TRIM5: variants seen among roughly 807,000 people sequenced by gnomAD.
The protein encoded by TRIM5 is tripartite motif-containing protein 5.
TRIM5 carries 31 observed loss-of-function variants against 35.6 expected under a neutral mutation model. The ratio of observed to expected loss-of-function variants is 0.87; its 90% CI spans 0.65 to 1.18. TRIM5 has a LOEUF of 1.18. Among genes scored for constraint, TRIM5 ranks in the 50% most tolerant of loss-of-function variants. The pLI is 0.00. For missense variants in TRIM5, 609 were observed against 591.6 expected (o/e 1.03, Z -0.31); for synonymous variants, 243 against 215.6 (o/e 1.13, Z -1.11).
chr11:5,589,904 CTG>C, the TRIM5 span: 1 of 153,706 alleles, frequency 6.5e-6, no homozygotes, highest in South Asian at 2.0e-4. Flanking sequence ...GGAACCGGGT[CTG>C]CGCGCGGCGC....
the TRIM5 span, among the ~76,000 whole-genome samples, chr11:5,644,848 A>G: frequency 6.6e-6 from 1 of 152,016 alleles, no homozygotes; most frequent in African/African-American, 2.4e-5. Context: ...GCCTGGTGGG[A>G]GGTGATTGGA....
rs1813331335 is a variant in TRIM5, at chr11:5,679,002, G to A, written c.513+72C>T. 1.1e-5 allele frequency: 13 copies of A among 1,235,328 alleles called. No individual in the cohort carries two copies. In the South Asian group the frequency reaches 1.6e-4, roughly 15 times the overall value. 76.5% of individuals were successfully genotyped at this position (1,235,328 alleles called of 1,614,324 possible). A position where few individuals can be genotyped will look rare whatever the true frequency, so the allele number is the denominator to read the frequency against. ...GACTTATCAAATGTCAGGGAATAAAGAGGAAGAAAGCTCCTTCCCCTGGTC... is the reference window on the plus strand; with the variant it reads ...GACTTATCAAATGTCAGGGAATAAAAAGGAAGAAAGCTCCTTCCCCTGGTC... On this transcript the variant is annotated intron_variant, in intron 3 of 7. Coordinates refer to ENST00000380034, the MANE Select transcript of TRIM5 (RefSeq NM_033034.3).
the TRIM5 span, among the ~76,000 whole-genome samples, chr11:5,630,851 G>C: frequency 1.3e-5 from 2 of 152,118 alleles, no homozygotes; most frequent in African/African-American, 2.4e-5. Context: ...AATACCATCT[G>C]TTCATTACTC....
the TRIM5 span, among the ~76,000 whole-genome samples, chr11:5,598,313 A>G: frequency 6.6e-6 from 1 of 152,080 alleles, no homozygotes; most frequent in Non-Finnish European, 1.5e-5. Context: ...CTCCTTCACA[A>G]TTTCTTTCCC....
At chr11:5,595,125 C>T in the TRIM5 span, 1 of 152,236 alleles carries the variant, frequency 6.6e-6, no homozygotes, top group South Asian at 2.1e-4. Context: ...ACCCAGCTCT[C>T]TCCCTACTGC....
At chr11:5,666,441 C>A (rs1387120442) in intron 5 of TRIM5, among the ~76,000 whole-genome samples, 1 of 151,346 alleles carries the variant, frequency 6.6e-6, no homozygotes, top group African/African-American at 2.4e-5. Flanking sequence ...ACAAAAGAAA[C>A]CCTAACATTT....
chr11:5,684,779 G>A (rs1852886236), intron 1 of TRIM5, 89 bp downstream of exon 1: 1 of 152,250 alleles, frequency 6.6e-6, no homozygotes, highest in Non-Finnish European at 1.5e-5. Flanking sequence ...AGGCGGCTCT[G>A]TTCCCCTCAG....
At chr11:5,609,079 A>T in the TRIM5 span, among the ~76,000 whole-genome samples, 4 of 152,018 alleles carry the variant, frequency 2.6e-5, no homozygotes, top group African/African-American at 9.7e-5. Flanking sequence ...CAATTCCAGT[A>T]AAAACGTAAA....
the TRIM5 span, among the ~76,000 whole-genome samples, chr11:5,635,423 T>G: frequency 6.6e-6 from 1 of 151,792 alleles, no homozygotes; most frequent in African/African-American, 2.4e-5. Flanking sequence ...TCTGGCTAAT[T>G]TTTTTTGTAT....
At chr11:5,609,452 T>C in the TRIM5 span, among the ~76,000 whole-genome samples, 1 of 152,218 alleles carries the variant, frequency 6.6e-6, no homozygotes, top group Admixed American at 6.5e-5. Context: ...GTTCTGCCTG[T>C]CAACCCAGAC....
At chr11:5,679,506 C>T (rs890347941) in intron 2 of TRIM5, among the ~76,000 whole-genome samples, 2 of 152,016 alleles carry the variant, frequency 1.3e-5, no homozygotes, top group Non-Finnish European at 2.9e-5. Flanking sequence ...TCTTGGACAC[C>T]AAATCTCTAC....
At chr11:5,642,363 A>G in the TRIM5 span, 9 of 1,558,302 alleles carry the variant, frequency 5.8e-6, no homozygotes, top group African/African-American at 6.8e-5. Flanking sequence ...GGATGGACAC[A>G]GGATGAGAGA....
the TRIM5 span, among the ~76,000 whole-genome samples, chr11:5,615,431 C>G: frequency 6.6e-6 from 1 of 151,626 alleles, no homozygotes; most frequent in Admixed American, 6.6e-5. Flanking sequence ...TTGTAAGGAG[C>G]ATACACATTT....
chr11:5,637,773 A>G, the TRIM5 span, among the ~76,000 whole-genome samples: 133 of 152,310 alleles, frequency 8.7e-4, no homozygotes, highest in Admixed American at 3.7e-3. Flanking sequence ...CTACTTTGAT[A>G]ACCACTATTC....
chr11:5,633,737 T>G, the TRIM5 span: 152 of 1,479,640 alleles, frequency 1.0e-4, no homozygotes, highest in Non-Finnish European at 1.3e-4. Context: ...ATTTTTTCCC[T>G]GTTTGTCCTC....
At position 5,679,169 on chromosome 11, in the gene TRIM5, C is replaced by A. The variant is rs138393052; in HGVS notation, c.418G>T (p.Val140Leu). The A allele has an allele frequency of 4.3e-6, 7 of 1,613,558 alleles. No homozygotes were observed. Among genetic ancestry groups the A allele is most frequent in the Admixed American group, 1.7e-5 (1 of 59,990 alleles). The change falls in exon 3 of 8, where the codon GTG becomes TTG. Residue 140 changes from valine (V) to leucine (L), a missense_variant and splice_region_variant. Physicochemically the swap from Val to Leu is conservative, Grantham distance 32. Coordinates refer to ENST00000380034, the MANE Select transcript of TRIM5 (RefSeq NM_033034.3). ...LTEEVAREYQ[V>L]KLQAALEMLR... The stretch of plus-strand genomic sequence containing the variant: ...ATCTCCAGAGCTGCCTGGAGCTTCA[C>A]CTGTGAGAAAGGAATCACACCATAG...
chr11:5,633,536 G>C, the TRIM5 span, among the ~76,000 whole-genome samples: 1 of 152,154 alleles, frequency 6.6e-6, no homozygotes, highest in Non-Finnish European at 1.5e-5. Flanking sequence ...ATTGATAAGA[G>C]GAAAGGACTT....
At chr11:5,667,803 T>C in intron 4 of TRIM5, 92 bp from the exon 5 acceptor site, 7 of 1,414,958 alleles carry the variant, frequency 4.9e-6, no homozygotes, top group South Asian at 1.2e-5. Flanking sequence ...CCTAATGTGC[T>C]GAGAATGGAG....
chr11:5,599,712 A>AT, the TRIM5 span, among the ~76,000 whole-genome samples: 75,239 of 152,076 alleles, frequency 0.49, 19,060 homozygotes, highest in Middle Eastern at 0.71. Flanking sequence ...CAACACAATT[A>AT]TTTTTTAACA....
Sources: gnomAD v4.1 joint callset for allele counts (sites outside exome capture counted in the v4.1 genomes callset) on GRCh38, gnomAD v4.1.1 for gene constraint, MANE v1.5 for transcripts, NCBI Gene and HGNC (gene_info 2026-07-23, HGNC 2026-07-21) for gene names.